EYS: variants seen among roughly 807,000 people sequenced by gnomAD.
EYS encodes protein eyes shut homolog.
EYS carries 250 observed loss-of-function variants against 282.1 expected under a neutral mutation model. The ratio of observed to expected loss-of-function variants is 0.89; its 90% CI spans 0.80 to 0.98. The LOEUF (loss-of-function observed/expected upper bound fraction) is 0.98, where lower values mean the gene tolerates loss of function less well. EYS is among the 50% of genes least tolerant of loss of function. The pLI is 0.00. For synonymous variants in EYS, 1,355 were observed against 1,282.9 expected, an observed-to-expected ratio of 1.06 and a Z score of -1.20; for missense variants, 4,016 against 3,709.0, an observed-to-expected ratio of 1.08 and a Z score of -2.15.
chr6:65,636,171 A>G (rs1365317707), intron 2 of EYS, among the ~76,000 whole-genome samples: 13 of 152,226 alleles, frequency 8.5e-5, no homozygotes, highest in Admixed American at 8.5e-4. Flanking sequence ...GTAAAACTGA[A>G]AAGAAGACAA....
chr6:63,984,655 G>A, intron 34 of EYS, 52 bp from the exon 35 acceptor site: 2 of 1,304,490 alleles, frequency 1.5e-6, no homozygotes, highest in Non-Finnish European at 2.2e-6. Context: ...CAGATTATGT[G>A]GAAAAGATGT....
intron 1 of EYS, among the ~76,000 whole-genome samples, chr6:65,649,457 C>T (rs906486860): frequency 1.3e-5 from 2 of 151,928 alleles, no homozygotes; most frequent in Admixed American, 6.6e-5. Context: ...ATATAATGAA[C>T]CTTATTGTTT....
At chr6:64,547,939 T>A (rs534983072) in intron 26 of EYS, among the ~76,000 whole-genome samples, 3 of 152,314 alleles carry the variant, frequency 2.0e-5, no homozygotes, top group African/African-American at 7.2e-5. Context: ...AGCCCCTCAC[T>A]GCCCAGTGCC....
intron 11 of EYS, among the ~76,000 whole-genome samples, chr6:65,323,807 A>G (rs1769542981): frequency 7.1e-6 from 1 of 141,444 alleles, no homozygotes; most frequent in South Asian, 2.4e-4. Flanking sequence ...TATAGTGACC[A>G]AAGTGAGCCT....
At chr6:65,363,170 T>G (rs547285316) in intron 8 of EYS, among the ~76,000 whole-genome samples, 1 of 151,010 alleles carries the variant, frequency 6.6e-6, no homozygotes, top group Admixed American at 6.6e-5. Context: ...AATGATTATC[T>G]TACTCATTTA....
chr6:64,831,076 T>G (rs538810897), intron 19 of EYS, among the ~76,000 whole-genome samples: 1 of 152,058 alleles, frequency 6.6e-6, no homozygotes, highest in African/African-American at 2.4e-5. Context: ...AACATCTTCC[T>G]TTCCCAGTCC....
chr6:65,547,774 G>C (rs1039307218), intron 2 of EYS, among the ~76,000 whole-genome samples: 2 of 152,112 alleles, frequency 1.3e-5, no homozygotes, highest in African/African-American at 4.8e-5. Context: ...AAATGTAATT[G>C]GTTATAGTGA....
chr6:64,364,473 T>C (rs577275022), intron 29 of EYS, among the ~76,000 whole-genome samples: 4 of 151,934 alleles, frequency 2.6e-5, no homozygotes, highest in Non-Finnish European at 4.4e-5. Flanking sequence ...AAAAAGTTTC[T>C]TGCTTAAACG....
chr6:64,689,304 G>A (rs1392604533), intron 22 of EYS, among the ~76,000 whole-genome samples: 1 of 152,100 alleles, frequency 6.6e-6, no homozygotes, highest in African/African-American at 2.4e-5. Context: ...ACAAACCACT[G>A]CTCAATGAAG....
intron 12 of EYS, among the ~76,000 whole-genome samples, chr6:65,112,117 C>T (rs541856369): frequency 7.8e-4 from 118 of 152,204 alleles, no homozygotes; most frequent in Non-Finnish European, 1.4e-3. Context: ...AGCATGCTTT[C>T]TCTGCAGTCA....
intron 36 of EYS, among the ~76,000 whole-genome samples, chr6:63,835,272 CATAT>C (rs202125312): frequency 0.013 from 1,963 of 149,176 alleles, 19 homozygotes; most frequent in Non-Finnish European, 0.021. Flanking sequence ...TATATATATA[CATAT>C]ATACTCTCTA....
At chr6:65,443,682 A>G (rs1308346222) in intron 5 of EYS, among the ~76,000 whole-genome samples, 2 of 150,628 alleles carry the variant, frequency 1.3e-5, no homozygotes, top group African/African-American at 4.9e-5. Flanking sequence ...TCATATACAC[A>G]CATACACATA....
intron 31 of EYS, among the ~76,000 whole-genome samples, chr6:64,215,143 G>A (rs4710263): frequency 0.34 from 51,336 of 151,502 alleles, 8,728 homozygotes; most frequent in East Asian, 0.54. Context: ...AGAGTAATAA[G>A]TATTTATGAA....
chr6:64,103,408 A>G (rs1454447535), intron 31 of EYS, among the ~76,000 whole-genome samples: 1 of 152,162 alleles, frequency 6.6e-6, no homozygotes, highest in Non-Finnish European at 1.5e-5. Context: ...CAGAATTTCC[A>G]CTCTAACTGG....
chr6:64,354,017 C>T (rs1033096352), intron 29 of EYS, among the ~76,000 whole-genome samples: 1 of 151,584 alleles, frequency 6.6e-6, no homozygotes, highest in African/African-American at 2.4e-5. Context: ...AAAAGGCTTG[C>T]TTGAACACTG....
chr6:63,881,758 T>C (rs962072603), intron 35 of EYS, among the ~76,000 whole-genome samples: 6 of 152,208 alleles, frequency 3.9e-5, no homozygotes, highest in Non-Finnish European at 8.8e-5. Context: ...ATATTTGGCA[T>C]ATATTTTATC....
chr6:63,961,797 A>C (rs138393013), intron 35 of EYS, among the ~76,000 whole-genome samples: 11 of 152,266 alleles, frequency 7.2e-5, no homozygotes, highest in African/African-American at 2.6e-4. Flanking sequence ...TTGGGTATAC[A>C]TTCCAACATA....
At chr6:64,313,960 T>C (rs1769830531) in intron 29 of EYS, among the ~76,000 whole-genome samples, 1 of 151,992 alleles carries the variant, frequency 6.6e-6, no homozygotes, top group African/African-American at 2.4e-5. Flanking sequence ...CTGCATCAAC[T>C]AATGGGCAAA....
chr6:65,022,400 T>C lies in EYS; in HGVS notation c.2138-24697A>G, dbSNP rs374311585. Among the ~76,000 whole-genome samples the C allele has an allele frequency of 3.3e-4, 50 of 152,060 alleles. 1 individual carries two copies. In the East Asian group the frequency reaches 4.5e-3, roughly 14 times the overall value. On this transcript the variant is annotated intron_variant, in intron 13 of 42. Coordinates refer to ENST00000503581, the MANE Select transcript of EYS (RefSeq NM_001142800.2). Reference sequence around the variant, plus strand: ...ATAATAGCTGGTGTAGCATTGGTGGTGTTAGGTGGATTTTAAGCAGGAAGA... The same window carrying C: ...ATAATAGCTGGTGTAGCATTGGTGGCGTTAGGTGGATTTTAAGCAGGAAGA...
Sources: gnomAD v4.1 joint callset for allele counts (sites outside exome capture counted in the v4.1 genomes callset) on GRCh38, gnomAD v4.1.1 for gene constraint, MANE v1.5 for transcripts, NCBI Gene and HGNC (gene_info 2026-07-23, HGNC 2026-07-21) for gene names.